RBFOX1: variants seen among roughly 807,000 people sequenced by gnomAD.
RBFOX1 encodes the protein RNA binding protein fox-1 homolog 1.
Under a neutral mutation model 57.7 loss-of-function variants are expected in RBFOX1, and 8 were observed. The ratio of observed to expected loss-of-function variants is 0.14; its 90% CI spans 0.08 to 0.25. The LOEUF is 0.25. Ranked by LOEUF, RBFOX1 falls within the 10% of genes least tolerant of loss-of-function variation. RBFOX1 has a pLI of 1.00. For missense variants in RBFOX1, 611 were observed against 548.5 expected (o/e 1.11, Z -1.14); for synonymous variants, 326 against 222.4 (o/e 1.47, Z -4.15).
chr16:7,354,385 G>C (rs1418609003), intron 4 of RBFOX1, among the ~76,000 whole-genome samples: 2 of 152,294 alleles, frequency 1.3e-5, no homozygotes, highest in Non-Finnish European at 2.9e-5. Flanking sequence ...TTTGTTGAAG[G>C]TGTTTGCTGT....
intron 1 of RBFOX1, among the ~76,000 whole-genome samples, chr16:5,454,045 T>C (rs2068507401): frequency 6.6e-6 from 1 of 152,178 alleles, no homozygotes; most frequent in South Asian, 2.1e-4. Context: ...AGGAGAGTCA[T>C]AGAAGATGAG....
At chr16:6,904,369 G>A (rs1288349995) in intron 3 of RBFOX1, among the ~76,000 whole-genome samples, 1 of 151,994 alleles carries the variant, frequency 6.6e-6, no homozygotes, top group Admixed American at 6.6e-5. Context: ...GGAAGGCCCA[G>A]GTGGGAGGAT....
chr16:5,580,395 G>C (rs901187532), intron 2 of RBFOX1, among the ~76,000 whole-genome samples: 1 of 152,234 alleles, frequency 6.6e-6, no homozygotes, highest in Non-Finnish European at 1.5e-5. Context: ...TTTCCGAGGG[G>C]TAAGTGCCCA....
chr16:6,088,940 C>G (rs1043805745), intron 1 of RBFOX1, among the ~76,000 whole-genome samples: 2 of 151,666 alleles, frequency 1.3e-5, no homozygotes, highest in African/African-American at 2.4e-5. Flanking sequence ...ACTAAAAATA[C>G]AAAAAATTAG....
chr16:7,076,164 C>T (rs1041950408), intron 4 of RBFOX1, among the ~76,000 whole-genome samples: 1 of 151,680 alleles, frequency 6.6e-6, no homozygotes, highest in Admixed American at 6.6e-5. Flanking sequence ...GCCTCAGCCT[C>T]TCGAGTACCT....
chr16:5,258,451 C>G (rs927701396), intron 1 of RBFOX1, among the ~76,000 whole-genome samples: 2 of 152,070 alleles, frequency 1.3e-5, no homozygotes, highest in Non-Finnish European at 2.9e-5. Flanking sequence ...ATCAAATTAC[C>G]AGTAATTCCT....
At chr16:6,724,877 C>T (rs188383442) in intron 3 of RBFOX1, among the ~76,000 whole-genome samples, 1 of 152,162 alleles carries the variant, frequency 6.6e-6, no homozygotes, top group Non-Finnish European at 1.5e-5. Context: ...TGCTCTGCCT[C>T]CCCCAAAGCC....
intron 2 of RBFOX1, among the ~76,000 whole-genome samples, chr16:6,562,131 T>C (rs2097187177): frequency 1.3e-5 from 2 of 152,212 alleles, no homozygotes; most frequent in South Asian, 4.1e-4. Flanking sequence ...TTAGACTCCA[T>C]AGTTCAAGAT....
chr16:6,562,249 T>C (rs1170712842), intron 2 of RBFOX1, among the ~76,000 whole-genome samples: 1 of 152,240 alleles, frequency 6.6e-6, no homozygotes, highest in African/African-American at 2.4e-5. Context: ...CTTTAAGACC[T>C]GATTACCTTA....
intron 2 of RBFOX1, among the ~76,000 whole-genome samples, chr16:6,340,519 C>T (rs1229019189): frequency 6.6e-6 from 1 of 152,158 alleles, no homozygotes; most frequent in African/African-American, 2.4e-5. Context: ...TGATGATATG[C>T]TAAACAAGGG....
At chr16:6,180,503 GTTTTC>G (rs1033165303) in intron 1 of RBFOX1, among the ~76,000 whole-genome samples, 1 of 148,350 alleles carries the variant, frequency 6.7e-6, no homozygotes, top group African/African-American at 2.5e-5. Flanking sequence ...GGTAATTTGA[GTTTTC>G]TTTTTTTTTT....
At chr16:7,081,059 G>C (rs562919751) in intron 4 of RBFOX1, among the ~76,000 whole-genome samples, 2 of 152,250 alleles carry the variant, frequency 1.3e-5, no homozygotes, top group Admixed American at 1.3e-4. Context: ...TTTTGAGGCA[G>C]AGTCTCACTC....
intron 1 of RBFOX1, among the ~76,000 whole-genome samples, chr16:5,395,043 C>T (rs1004309365): frequency 2.0e-5 from 3 of 152,214 alleles, no homozygotes; most frequent in African/African-American, 4.8e-5. Context: ...AGGTGCTCGA[C>T]ACCCTTCAGA....
chr16:7,341,391 G>T (rs189158897), intron 4 of RBFOX1, among the ~76,000 whole-genome samples: 49 of 152,290 alleles, frequency 3.2e-4, no homozygotes, highest in Non-Finnish European at 5.7e-4. Flanking sequence ...ATCAATCATA[G>T]ATTTCGTGAC....
intron 3 of RBFOX1, among the ~76,000 whole-genome samples, chr16:6,976,238 A>G (rs8046720): frequency 0.036 from 5,430 of 152,246 alleles, 306 homozygotes; most frequent in African/African-American, 0.12. Context: ...ACATAGGGGA[A>G]ACTGAGGCAC....
At chr16:5,474,440 G>C (rs1014641398) in intron 2 of RBFOX1, among the ~76,000 whole-genome samples, 1 of 152,150 alleles carries the variant, frequency 6.6e-6, no homozygotes, top group Non-Finnish European at 1.5e-5. Context: ...GATCACCTGA[G>C]GTCAGGAGTT....
At chr16:6,197,665 A>G (rs1341820639) in intron 1 of RBFOX1, among the ~76,000 whole-genome samples, 1 of 151,164 alleles carries the variant, frequency 6.6e-6, no homozygotes, top group Non-Finnish European at 1.5e-5. Flanking sequence ...TTTAAGATTC[A>G]GGGGTTCATA....
intron 3 of RBFOX1, among the ~76,000 whole-genome samples, chr16:6,734,431 A>C (rs1219723951): frequency 6.6e-6 from 1 of 152,136 alleles, no homozygotes; most frequent in Non-Finnish European, 1.5e-5. Context: ...CTTTACGTGG[A>C]TTATCTCATT....
chr16:7,180,227 G>C (rs1157438107), intron 4 of RBFOX1, among the ~76,000 whole-genome samples: 1 of 152,100 alleles, frequency 6.6e-6, no homozygotes, highest in African/African-American at 2.4e-5. Flanking sequence ...CTGTATTTCA[G>C]ATAATTTTTA....
Sources: allele counts gnomAD v4.1 joint callset (sites outside exome capture counted in the v4.1 genomes callset), GRCh38; gene constraint gnomAD v4.1.1; transcripts MANE v1.5; gene names NCBI Gene and HGNC (gene_info 2026-07-23, HGNC 2026-07-21).